SOX5: variants seen among roughly 807,000 people sequenced by gnomAD.
SOX5 encodes SRY-box transcription factor 5.
SOX5 carries 9 observed loss-of-function variants against 92.0 expected under a neutral mutation model. That is an observed-to-expected ratio of 0.10 (90% confidence interval 0.06 to 0.17). The LOEUF (loss-of-function observed/expected upper bound fraction) is 0.17. Ranked by LOEUF, SOX5 falls within the 10% of genes least tolerant of loss-of-function variation. The pLI, the probability that SOX5 is intolerant of heterozygous loss-of-function variation, is 1.00. For missense variants in SOX5, 642 were observed against 944.5 expected, an observed-to-expected ratio of 0.68 and a Z score of 4.20; for synonymous variants, 344 against 336.3, an observed-to-expected ratio of 1.02 and a Z score of -0.25.
rs1474964881 is a variant in SOX5 at position 24,303,003 on chromosome 12, G to C, written c.-173-25691C>G. On this transcript the variant is annotated intron_variant, in intron 2 of 4. Coordinates refer to the SOX5 transcript ENST00000446891. ...TCAAAAAATTGCACCAAATTTAAAA[G>C]CACACCAAGATCAGTATGAACCAGA... 2.6e-5 allele frequency among the ~76,000 whole-genome samples: 4 copies of C among 151,900 alleles called. No individual in the cohort carries two copies. In the South Asian group the frequency reaches 8.3e-4, roughly 32 times the overall value.
At chr12:23,737,877 A>G (rs2093661191) in intron 5 of SOX5, among the ~76,000 whole-genome samples, 1 of 152,218 alleles carries the variant, frequency 6.6e-6, no homozygotes, top group Non-Finnish European at 1.5e-5. Context: ...AAATGTTCTC[A>G]GTCAAAAATG....
rs149138561 is a variant in SOX5, at chr12:23,580,386, T to G, written c.1165-4548A>C. On this transcript the variant is annotated intron_variant, in intron 9 of 14. Coordinates refer to ENST00000451604, the MANE Select transcript of SOX5 (RefSeq NM_006940.6). ...AGATAATATATGTGCAATAAAATGA[T>G]GTAATACAAACATTTGCTATTCTAT... Among the ~76,000 whole-genome samples the G allele has an allele frequency of 2.6e-5, 4 of 152,186 alleles. No individual in the cohort carries two copies. In the East Asian group the frequency reaches 7.7e-4, roughly 29 times the overall value.
chr12:24,043,780 A>C (rs1956744563), intron 4 of SOX5, among the ~76,000 whole-genome samples: 1 of 152,168 alleles, frequency 6.6e-6, no homozygotes, highest in Non-Finnish European at 1.5e-5. Flanking sequence ...CTACCTCTTG[A>C]ATTTGGACTA....
intron 3 of SOX5, among the ~76,000 whole-genome samples, chr12:23,774,260 C>A (rs1455697134): frequency 6.6e-6 from 1 of 151,960 alleles, no homozygotes; most frequent in East Asian, 1.9e-4. Flanking sequence ...TTTTCTAAAC[C>A]AAACTGATGT....
chr12:24,192,388 G>T (rs1252404629), intron 4 of SOX5, among the ~76,000 whole-genome samples: 1 of 151,492 alleles, frequency 6.6e-6, no homozygotes, highest in Non-Finnish European at 1.5e-5. Context: ...AACCCTGTAG[G>T]AATATAATAG....
intron 2 of SOX5, among the ~76,000 whole-genome samples, chr12:23,852,468 T>A (rs1180324831): frequency 1.3e-5 from 2 of 152,148 alleles, no homozygotes; most frequent in Admixed American, 6.6e-5. Context: ...CAAACAGAAG[T>A]GAGAACTCTT....
chr12:23,860,679 G>A (rs888801088), intron 2 of SOX5, among the ~76,000 whole-genome samples: 1 of 152,040 alleles, frequency 6.6e-6, no homozygotes, highest in African/African-American at 2.4e-5. Flanking sequence ...AGGTAGATGT[G>A]CCTACAAAAG....
chr12:24,020,817 C>A (rs548692342), intron 4 of SOX5, among the ~76,000 whole-genome samples: 1 of 152,304 alleles, frequency 6.6e-6, no homozygotes, highest in Admixed American at 6.5e-5. Context: ...TGTCACTGGA[C>A]CTGAGAGACG....
chr12:24,303,532 A>G (rs1948230429), intron 2 of SOX5, among the ~76,000 whole-genome samples: 1 of 152,222 alleles, frequency 6.6e-6, no homozygotes, highest in African/African-American at 2.4e-5. Context: ...GATTTCCTTT[A>G]AATATAGCAA....
intron 4 of SOX5, among the ~76,000 whole-genome samples, chr12:24,144,946 T>C (rs933150192): frequency 6.6e-6 from 1 of 151,968 alleles, no homozygotes; most frequent in African/African-American, 2.4e-5. Context: ...CTACAAAAAA[T>C]TAGCCAGACA....
At chr12:24,425,046 A>G (rs912358708) in intron 1 of SOX5, among the ~76,000 whole-genome samples, 1 of 152,136 alleles carries the variant, frequency 6.6e-6, no homozygotes, top group African/African-American at 2.4e-5. Flanking sequence ...AACTGCCTAC[A>G]TTAAGAGACT....
intron 1 of SOX5, among the ~76,000 whole-genome samples, chr12:24,486,405 A>G (rs1333236449): frequency 1.3e-5 from 2 of 152,212 alleles, no homozygotes; most frequent in East Asian, 3.9e-4. Context: ...CTTTCTGATT[A>G]AAGCCAACTC....
chr12:24,495,533 A>G lies in SOX5; in HGVS notation c.-251+66796T>C, dbSNP rs143759852. Among the ~76,000 whole-genome samples the G allele has an allele frequency of 4.5e-3, 691 of 152,320 alleles. 3 individuals carry two copies. Among genetic ancestry groups the G allele is most frequent in the African/African-American group, 0.016 (650 of 41,576 alleles). On this transcript the variant is annotated intron_variant, in intron 1 of 4. Transcript: ENST00000446891. ...TTGCATTGCAAAGTATCAACCAATA[A>G]CAAATCTGGATGTTGATTTCTTTTC...
chr12:24,151,860 T>TA (rs1951690057), intron 4 of SOX5, among the ~76,000 whole-genome samples: 1 of 151,742 alleles, frequency 6.6e-6, no homozygotes, highest in African/African-American at 2.4e-5. Context: ...ATGCAAGAAG[T>TA]AAAAAAATAA....
At chr12:23,650,591 T>C (rs565947882) in intron 7 of SOX5, among the ~76,000 whole-genome samples, 2 of 152,200 alleles carry the variant, frequency 1.3e-5, no homozygotes, top group East Asian at 1.9e-4. Context: ...CATGGGCTGA[T>C]AGAGAAATTG....
chr12:23,564,268 A>G (rs1432218643), intron 10 of SOX5, among the ~76,000 whole-genome samples: 1 of 152,220 alleles, frequency 6.6e-6, no homozygotes, highest in Non-Finnish European at 1.5e-5. Flanking sequence ...TTTGATGCAT[A>G]TTAGTACGAT....
At chr12:23,935,894 A>G (rs1471685734) in intron 1 of SOX5, among the ~76,000 whole-genome samples, 1 of 151,138 alleles carries the variant, frequency 6.6e-6, no homozygotes, top group African/African-American at 2.4e-5. Context: ...CTAGATCAAT[A>G]CTATAATGTG....
At chr12:24,214,237 TA>T (rs1281545639) in intron 3 of SOX5, among the ~76,000 whole-genome samples, 2 of 151,824 alleles carry the variant, frequency 1.3e-5, no homozygotes, top group African/African-American at 4.8e-5. Flanking sequence ...AAGAACAAAA[TA>T]AAAACAGAAA....
At chr12:23,630,818 C>T (rs2078435680) in intron 8 of SOX5, among the ~76,000 whole-genome samples, 1 of 151,964 alleles carries the variant, frequency 6.6e-6, no homozygotes. Context: ...GCAAGAACCA[C>T]ACTTATAACC....
Sources: allele counts gnomAD v4.1 joint callset (sites outside exome capture counted in the v4.1 genomes callset), GRCh38; gene constraint gnomAD v4.1.1; transcripts MANE v1.5; gene names NCBI Gene and HGNC (gene_info 2026-07-23, HGNC 2026-07-21).